Variants in SYNM observed in about 807,000 individuals in gnomAD.
The protein encoded by SYNM is synemin.
In SYNM, 95 loss-of-function variants were observed where a neutral mutation model predicts 104.0. The observed-to-expected ratio is 0.91, with a 90% CI of 0.77 to 1.08. The LOEUF is 1.08. SYNM is among the 50% of genes least tolerant of loss of function. The pLI, the probability that SYNM is intolerant of heterozygous loss-of-function variation, is 0.00. For synonymous variants in SYNM, 918 were observed against 869.0 expected (o/e 1.06, Z -0.99); for missense variants, 2,150 against 2,052.2 (o/e 1.05, Z -0.92).
At chr15:99,119,238 A>T (rs2067377750) in intron 2 of SYNM, among the ~76,000 whole-genome samples, 1 of 152,196 alleles carries the variant, frequency 6.6e-6, no homozygotes, top group African/African-American at 2.4e-5. Flanking sequence ...GATGATTGTC[A>T]GGTACCACCA....
intron 2 of SYNM, among the ~76,000 whole-genome samples, chr15:99,121,721 G>A (rs921578): frequency 7.9e-5 from 12 of 151,758 alleles, no homozygotes; most frequent in Non-Finnish European, 1.6e-4. Context: ...AGAGCCCAAT[G>A]ATCAGCAAGA....
At position 99,106,209 on chromosome 15, in the gene SYNM, C is replaced by A. The variant is rs553044902; in HGVS notation, c.810+200C>A. Reference sequence around the variant, plus strand: ...ATCGACTCAGCGGGCGAGCGCGGGGCGGCAGGTCCTAGCGGATAGCCCCGT... The same window carrying A: ...ATCGACTCAGCGGGCGAGCGCGGGGAGGCAGGTCCTAGCGGATAGCCCCGT... On this transcript the variant is annotated intron_variant, in intron 1 of 3. Coordinates refer to ENST00000336292, the MANE Select transcript of SYNM (RefSeq NM_145728.3). 2.2e-3 allele frequency among the ~76,000 whole-genome samples: 334 copies of A among 152,328 alleles called. 1 individual carries two copies. The highest frequency in any genetic ancestry group is 3.5e-3 in the Admixed American group (54 of 15,306).
chr15:99,130,803 G>T lies in SYNM; in HGVS notation c.2443G>T (p.Val815Leu), dbSNP rs373216120. 2 of 1,613,868 alleles carry T rather than the reference G, an allele frequency of 1.2e-6. No homozygotes were observed. The highest frequency in any genetic ancestry group is 2.7e-5 in the African/African-American group (2 of 74,922). ...GCAGCCTCAGGAGAACACGACTCAC[G>T]TGGAAGAAGTGACAGAGGCAGGTGA... ...TKQPQENTTH[V>L]EEVTEAGDSE... is the part of the protein sequence containing the mutation. Residue 815 changes from valine (V) to leucine (L), a missense_variant, in exon 4 of 4, where the codon GTG (valine) becomes TTG (leucine). Coordinates refer to ENST00000336292, the MANE Select transcript of SYNM (RefSeq NM_145728.3).
the SYNM span, chr15:99,140,879 G>C: frequency 1.3e-5 from 2 of 152,264 alleles, no homozygotes; most frequent in Non-Finnish European, 2.9e-5. Flanking sequence ...AATACATGAA[G>C]AATTCCTATA....
chr15:99,126,650 G>C, intron 2 of SYNM, 72 bp from the exon 3 acceptor site: 1 of 1,403,116 alleles, frequency 7.1e-7, no homozygotes, highest in African/African-American at 1.4e-5. Flanking sequence ...CGCATACCAC[G>C]ATACGTTTTA....
chr15:99,121,497 CT>C (rs1458623629), intron 2 of SYNM, among the ~76,000 whole-genome samples: 1 of 152,166 alleles, frequency 6.6e-6, no homozygotes, highest in Non-Finnish European at 1.5e-5. Context: ...CTGTCACTCG[CT>C]GCAGGCTAGC....
chr15:99,130,628 C>T lies in SYNM; in HGVS notation c.2268C>T (p.Val756=), dbSNP rs1376470206. Residue 756 remains valine (V), a synonymous_variant, in exon 4 of 4, where the codon GTC becomes GTT. Transcript: ENST00000336292. ...VEIVEEPVSY[V]SGEKPEEFSV... The stretch of plus-strand genomic sequence containing the variant: ...TCGTGGAGGAGCCCGTGAGTTATGT[C>T]AGCGGGGAGAAGCCGGAGGAGTTTT... 6.2e-7 allele frequency: 1 copy of T among 1,612,190 alleles called. No individual in the cohort carries two copies. The highest frequency in any genetic ancestry group is 2.2e-5 in the East Asian group (1 of 44,746).
chr15:99,112,890 C>T (rs1703785), intron 1 of SYNM, among the ~76,000 whole-genome samples: 11,831 of 151,908 alleles, frequency 0.078, 1,529 homozygotes, highest in African/African-American at 0.27. Flanking sequence ...TTTGTATTTT[C>T]AGTAGAGACA....
At chr15:99,122,781 G>A (rs1405101538) in intron 2 of SYNM, among the ~76,000 whole-genome samples, 1 of 152,200 alleles carries the variant, frequency 6.6e-6, no homozygotes, top group African/African-American at 2.4e-5. Context: ...AGAGATTGCC[G>A]TGAGCTGAGA....
Position 99,130,126 on chromosome 15 carries a change from C to G in SYNM, c.1766C>G (p.Ala589Gly). ...CTAGAAGTATCCCAGGACAGAAGAG[C>G]AGAGGTGTCCCCGAAAGGTTTGCAG... The part of the protein sequence containing the change: ...ISLEVSQDRR[A>G]EVSPKGLQTP... Residue 589 changes from alanine to glycine, a missense_variant, in exon 4 of 4, where the codon GCA (alanine) becomes GGA (glycine). Physicochemically the swap from Ala to Gly is moderately conservative, Grantham distance 60. Coordinates refer to ENST00000336292, the MANE Select transcript of SYNM (RefSeq NM_145728.3). The G allele has an allele frequency of 6.2e-7, 1 of 1,613,862 alleles. No homozygotes were observed. Among genetic ancestry groups the G allele is most frequent in the South Asian group, 1.1e-5 (1 of 91,068 alleles).
chr15:99,116,884 C>A lies in SYNM; in HGVS notation c.935+3169C>A, dbSNP rs543681613. On this transcript the variant is annotated intron_variant, in intron 2 of 3. Coordinates refer to ENST00000336292, the MANE Select transcript of SYNM (RefSeq NM_145728.3). ...TAAAGACGGGGTTTCACCATATTGG[C>A]CAGGCTGGTATTGAACTCCTGACCT... Among the ~76,000 whole-genome samples, 359 of 143,330 alleles carry A rather than the reference C, an allele frequency of 2.5e-3. 57 individuals are homozygous for A. The highest frequency in any genetic ancestry group is 0.011 in the Middle Eastern group (3 of 274). 94.0% of individuals were successfully genotyped at this position (143,330 alleles called of 152,430 possible). A position where few individuals can be genotyped will look rare whatever the true frequency, so the allele number is the denominator to read the frequency against.
At position 99,133,105 on chromosome 15, in the gene SYNM, A is replaced by G; in HGVS notation, c.*47A>G. The G allele has an allele frequency of 6.3e-7, 1 of 1,598,944 alleles. No individual in the cohort carries two copies. Among genetic ancestry groups the G allele is most frequent in the Non-Finnish European group, 8.5e-7 (1 of 1,177,658 alleles). On this transcript the variant is annotated 3_prime_UTR_variant, in exon 4 of 4. Coordinates refer to ENST00000336292, the MANE Select transcript of SYNM (RefSeq NM_145728.3). Reference sequence around the variant, plus strand: ...AATGGCAGCCTGTTGGCGACGTGCCAACATCCAAAGGCCTTAACTTATTTT... The same window carrying G: ...AATGGCAGCCTGTTGGCGACGTGCCGACATCCAAAGGCCTTAACTTATTTT...
rs782531815 is a variant in SYNM at position 99,132,777 on chromosome 15, C to T, written c.4417C>T (p.Arg1473Cys). ...GGATGTGAGTAACGTAGAGGCGATC[C>T]GCAGCCGGACACAGGAAGCGGGAGC... is the stretch of plus-strand genomic sequence containing the variant. Reference protein sequence around the residue: ...QMDVSNVEAIRSRTQEAGALG... With the variant: ...QMDVSNVEAICSRTQEAGALG... Residue 1473 changes from arginine (R) to cysteine (C), a missense_variant, in exon 4 of 4, where the codon CGC becomes TGC. Transcript: ENST00000336292. 36 of 1,613,742 alleles carry T rather than the reference C, an allele frequency of 2.2e-5. No homozygotes were observed. The highest frequency in any genetic ancestry group is 1.6e-4 in the Middle Eastern group (1 of 6,084).
the SYNM span, chr15:99,141,115 T>C: frequency 2.6e-5 from 4 of 152,252 alleles, no homozygotes; most frequent in Non-Finnish European, 5.9e-5. Context: ...AGAATTCTTT[T>C]ATATATTGAT....
In SYNM at chr15:99,132,135, C is replaced by G. The variant is rs367712161; in HGVS notation, c.3775C>G (p.Gln1259Glu). 9 of 1,613,880 alleles carry G rather than the reference C, an allele frequency of 5.6e-6. No individual in the cohort carries two copies. The African/African-American group carries it at 1.1e-4, about 19-fold the overall frequency. ...YFATEESVGT[Q>E]TSVRQLQLGP... ...TGCAACAGAAGAGTCAGTGGGTACC[C>G]AGACTTCTGTCAGGCAACTCCAGTT... is the stretch of plus-strand genomic sequence containing the variant. The change falls in exon 4 of 4, where the codon CAG (glutamine) becomes GAG (glutamate). Residue 1259 changes from glutamine (Q) to glutamate (E), a missense_variant. Coordinates refer to ENST00000336292, the MANE Select transcript of SYNM (RefSeq NM_145728.3).
At position 99,129,859 on chromosome 15, in the gene SYNM, C is replaced by G. The variant is rs2067482191; in HGVS notation, c.1499C>G (p.Thr500Arg). 5 of 1,613,486 alleles carry G rather than the reference C, an allele frequency of 3.1e-6. No homozygotes were observed. The highest frequency in any genetic ancestry group is 3.4e-6 in the Non-Finnish European group (4 of 1,179,746). ...NERTVILGKKTEVKATREQER... is the reference protein window; with the variant it reads ...NERTVILGKKREVKATREQER... ...AGGACCGTCATTCTGGGAAAGAAAA[C>G]AGAAGTGAAAGCCACGAGGGAGCAA... Residue 500 changes from threonine to arginine, a missense_variant, in exon 4 of 4, where the codon ACA (threonine) becomes AGA (arginine). By Grantham distance (71) the Thr-to-Arg change is moderately conservative. Transcript: ENST00000336292.
chr15:99,126,677 C>T (rs1055787918), intron 2 of SYNM, 45 bp from the exon 3 acceptor site: 9 of 1,527,838 alleles, frequency 5.9e-6, no homozygotes, highest in Admixed American at 3.9e-5. Flanking sequence ...GCACTTCTTA[C>T]TCTTTCGTTT....
chr15:99,131,737 A>G lies in SYNM; in HGVS notation c.3377A>G (p.His1126Arg). The G allele has an allele frequency of 6.2e-7, 1 of 1,613,934 alleles. No individual in the cohort carries two copies. The highest frequency in any genetic ancestry group is 2.2e-5 in the East Asian group (1 of 44,884). The stretch of plus-strand genomic sequence containing the variant: ...GAGGATGTGAGCCAGGCTGCAAGGC[A>G]CATAAAACTCGGCCCCTCTGAAGTC... The part of the protein sequence containing the change: ...VLEDVSQAAR[H>R]IKLGPSEVWR... Residue 1126 changes from histidine to arginine, a missense_variant, in exon 4 of 4, where the codon CAC becomes CGC. His to Arg is a conservative substitution (Grantham distance 29, BLOSUM62 0). Coordinates refer to ENST00000336292, the MANE Select transcript of SYNM (RefSeq NM_145728.3). This position sits in a 1 kb window ranked among gnomAD's most constrained non-coding sequence, Gnocchi z 4.3.
intron 2 of SYNM, among the ~76,000 whole-genome samples, chr15:99,115,891 T>C (rs2067344478): frequency 6.6e-6 from 1 of 152,240 alleles, no homozygotes; most frequent in Non-Finnish European, 1.5e-5. Context: ...CTGTCTTTAT[T>C]TTCTGGAAGA....
Sources: allele counts gnomAD v4.1 joint callset (sites outside exome capture counted in the v4.1 genomes callset), GRCh38; gene constraint gnomAD v4.1.1; non-coding constraint Gnocchi (gnomAD v3.1); transcripts MANE v1.5; gene names NCBI Gene and HGNC (gene_info 2026-07-23, HGNC 2026-07-21).